The following GRID2 variants were observed in gnomAD, a reference collection of about 807,000 sequenced individuals.
The protein encoded by GRID2 is glutamate receptor ionotropic, delta-2.
In GRID2, 33 loss-of-function variants were observed where a neutral mutation model predicts 114.8. That is an observed-to-expected ratio of 0.29 (90% CI 0.22 to 0.38). The LOEUF is 0.38. GRID2 is among the 10% of genes least tolerant of loss of function. GRID2 has a pLI of 1.00. For missense variants in GRID2, 1,184 were observed against 1,257.7 expected, an observed-to-expected ratio of 0.94 and a Z score of 0.89; for synonymous variants, 505 against 449.9, an observed-to-expected ratio of 1.12 and a Z score of -1.55.
chr4:92,713,464 CATATACATATACATAT>C (rs1386395969), intron 2 of GRID2, among the ~76,000 whole-genome samples: 123 of 73,238 alleles, frequency 1.7e-3, no homozygotes, highest in African/African-American at 6.4e-3. Flanking sequence ...CATATATTTA[CATATACATATACATAT>C]ATATATATAT....
Position 92,884,536 on chromosome 4 carries a change from G to A in GRID2, c.245-200459G>A, listed in dbSNP as rs907170277. Reference sequence around the variant, plus strand: ...CATGCCTTCCTCTTGAGGCTTAATTGTGTCTAGTTTTGATTTTAAAATAAG... The same window carrying A: ...CATGCCTTCCTCTTGAGGCTTAATTATGTCTAGTTTTGATTTTAAAATAAG... On this transcript the variant is annotated intron_variant, in intron 2 of 15. Coordinates refer to ENST00000282020, the MANE Select transcript of GRID2 (RefSeq NM_001510.4). The A allele has an allele frequency of 3.5e-4, 54 of 155,200 alleles. 1 individual carries two copies. Among genetic ancestry groups the A allele is most frequent in the Non-Finnish European group, 2.1e-4 (15 of 70,032 alleles). The allele number at this position is 155,200 out of a possible 1,614,324, so 9.6% of individuals were successfully genotyped here. A position where few individuals can be genotyped will look rare whatever the true frequency, so the allele number is the denominator to read the frequency against.
rs1729483610 is a variant in GRID2 at position 92,378,913 on chromosome 4, C to T, written c.88+74169C>T. Among the ~76,000 whole-genome samples the T allele has an allele frequency of 2.0e-5, 3 of 151,572 alleles. No individual in the cohort carries two copies. In the South Asian group the frequency reaches 6.2e-4, roughly 32 times the overall value. ...AACCAGTATATTTTATTTATTTTGCCTTCATCTACCTTAAATGTTAAAATT... is the reference window on the plus strand; with the variant it reads ...AACCAGTATATTTTATTTATTTTGCTTTCATCTACCTTAAATGTTAAAATT... On this transcript the variant is annotated intron_variant, in intron 1 of 15. Coordinates refer to ENST00000282020, the MANE Select transcript of GRID2 (RefSeq NM_001510.4).
intron 13 of GRID2, among the ~76,000 whole-genome samples, chr4:93,519,039 T>C (rs1169826230): frequency 6.6e-6 from 1 of 152,136 alleles, no homozygotes. Flanking sequence ...TTCCTAAAAA[T>C]ATAGACTCTT....
At chr4:92,891,135 A>C (rs976605182) in intron 2 of GRID2, among the ~76,000 whole-genome samples, 1 of 151,936 alleles carries the variant, frequency 6.6e-6, no homozygotes, top group Non-Finnish European at 1.5e-5. Flanking sequence ...GGGCTAGGGG[A>C]GGGATAGCAT....
At chr4:92,903,618 A>G (rs1392774885) in intron 2 of GRID2, among the ~76,000 whole-genome samples, 2 of 151,948 alleles carry the variant, frequency 1.3e-5, no homozygotes, top group African/African-American at 4.8e-5. Flanking sequence ...AACCCCAGTA[A>G]TTTCTGGCTC....
chr4:93,241,755 T>G (rs1241624209), intron 8 of GRID2, among the ~76,000 whole-genome samples: 1 of 151,374 alleles, frequency 6.6e-6, no homozygotes, highest in Non-Finnish European at 1.5e-5. Flanking sequence ...AACTGAAATT[T>G]CAGTAGAGGG....
rs979122141 is a variant in GRID2, at chr4:92,462,380, C to T, written c.89-127751C>T. 5.9e-5 allele frequency among the ~76,000 whole-genome samples: 9 copies of T among 152,092 alleles called. No homozygotes were observed. In the East Asian group the frequency reaches 9.7e-4, roughly 16 times the overall value. On this transcript the variant is annotated intron_variant, in intron 1 of 15. Transcript: ENST00000282020. The stretch of plus-strand genomic sequence containing the variant: ...TAAATAGTAGGAGAGAATTAACTGC[C>T]TTTCATTCTTTGCTATCACTTAAAC...
At chr4:92,697,357 G>T (rs1734467450) in intron 2 of GRID2, among the ~76,000 whole-genome samples, 3 of 152,112 alleles carry the variant, frequency 2.0e-5, no homozygotes, top group Admixed American at 6.5e-5. Flanking sequence ...AGTACAAGGG[G>T]TTAACACTAA....
At chr4:92,724,310 C>T (rs570305027) in intron 2 of GRID2, among the ~76,000 whole-genome samples, 9 of 152,256 alleles carry the variant, frequency 5.9e-5, no homozygotes, top group South Asian at 2.1e-4. Flanking sequence ...CATCCTTCAG[C>T]GTCCACTCCC....
At chr4:92,638,689 C>T (rs576699080) in intron 2 of GRID2, among the ~76,000 whole-genome samples, 1 of 149,770 alleles carries the variant, frequency 6.7e-6, no homozygotes, top group Admixed American at 6.7e-5. Flanking sequence ...TAAGGAAAAA[C>T]AGATGAGAAC....
chr4:93,033,191 C>A (rs1724597070), intron 2 of GRID2, among the ~76,000 whole-genome samples: 1 of 152,128 alleles, frequency 6.6e-6, no homozygotes, highest in Non-Finnish European at 1.5e-5. Flanking sequence ...CAAGACCACC[C>A]TCACTTCTGA....
intron 2 of GRID2, among the ~76,000 whole-genome samples, chr4:92,671,749 G>T (rs1733082539): frequency 6.6e-6 from 1 of 152,088 alleles, no homozygotes; most frequent in Non-Finnish European, 1.5e-5. Context: ...GAGAGAAAAA[G>T]TGTCCAAATA....
intron 2 of GRID2, among the ~76,000 whole-genome samples, chr4:92,664,309 G>C (rs1037466513): frequency 2.0e-5 from 3 of 150,780 alleles, no homozygotes; most frequent in Non-Finnish European, 3.0e-5. Context: ...CTATTTTCTA[G>C]TTTCCCTTAT....
At chr4:92,710,814 C>T (rs1735208029) in intron 2 of GRID2, among the ~76,000 whole-genome samples, 1 of 152,016 alleles carries the variant, frequency 6.6e-6, no homozygotes, top group Non-Finnish European at 1.5e-5. Context: ...TTTACTCTCA[C>T]ACCCAAACAC....
chr4:93,184,368 A>G (rs7676452), intron 4 of GRID2, among the ~76,000 whole-genome samples: 9,186 of 152,144 alleles, frequency 0.06, 783 homozygotes, highest in African/African-American at 0.19. Flanking sequence ...GTGTCCGTGT[A>G]CATTCAGTCA....
At chr4:93,796,462 G>C (rs1241050463) in intron 1 of GRID2, among the ~76,000 whole-genome samples, 1 of 152,108 alleles carries the variant, frequency 6.6e-6, no homozygotes, top group Admixed American at 6.5e-5. Context: ...GGTCAGAAAA[G>C]GAGTCTCTGG....
intron 1 of GRID2, among the ~76,000 whole-genome samples, chr4:92,317,674 CT>C (rs1363258818): frequency 2.6e-5 from 4 of 152,162 alleles, no homozygotes; most frequent in Admixed American, 2.0e-4. Context: ...TATGCACAGG[CT>C]TGCTGAGAAG....
In GRID2 at chr4:93,061,119, T is replaced by C. The variant is rs1727751695; in HGVS notation, c.245-23876T>C. 2.1e-5 allele frequency among the ~76,000 whole-genome samples: 3 copies of C among 141,472 alleles called. No individual in the cohort carries two copies. In the Admixed American group the frequency reaches 2.2e-4, roughly 10 times the overall value. 92.8% of individuals were successfully genotyped at this position (141,472 alleles called of 152,430 possible). ...CTCCATCTCAAAATAAATAAATAAA[T>C]AAATAAATAAATAAATAAATAAATA... On this transcript the variant is annotated intron_variant, in intron 2 of 15. Transcript: ENST00000282020.
chr4:92,743,841 T>C (rs1038587311), intron 2 of GRID2, among the ~76,000 whole-genome samples: 12 of 152,214 alleles, frequency 7.9e-5, no homozygotes, highest in African/African-American at 2.9e-4. Context: ...TAAAAAAGTC[T>C]CAACGAAATT....
Sources: gnomAD v4.1 joint callset for allele counts (sites outside exome capture counted in the v4.1 genomes callset) on GRCh38, gnomAD v4.1.1 for gene constraint, MANE v1.5 for transcripts, NCBI Gene and HGNC (gene_info 2026-07-23, HGNC 2026-07-21) for gene names.